Variants in NKAIN3 observed in about 807,000 individuals in gnomAD.
The protein encoded by NKAIN3 is sodium/potassium transporting ATPase interacting 3.
In NKAIN3, 25 loss-of-function variants were observed where a neutral mutation model predicts 30.2. The ratio of observed to expected loss-of-function variants is 0.83; its 90% CI spans 0.60 to 1.16. The LOEUF is 1.16. NKAIN3 is among the 50% of genes most tolerant of loss of function. The pLI is 0.00. For synonymous variants in NKAIN3, 91 were observed against 89.6 expected (o/e 1.02, Z -0.09); for missense variants, 225 against 254.1 (o/e 0.89, Z 0.78).
intron 1 of NKAIN3, among the ~76,000 whole-genome samples, chr8:62,549,588 T>C (rs1809126256): frequency 6.6e-6 from 1 of 152,084 alleles, no homozygotes; most frequent in South Asian, 2.1e-4. Context: ...ACAGGAGTCC[T>C]TGTAGGAATA....
intron 1 of NKAIN3, among the ~76,000 whole-genome samples, chr8:62,333,342 A>G (rs1815418896): frequency 6.6e-6 from 1 of 152,128 alleles, no homozygotes; most frequent in Admixed American, 6.6e-5. Context: ...AGCTCAGATG[A>G]ACCTGGTACT....
intron 3 of NKAIN3, among the ~76,000 whole-genome samples, chr8:62,611,302 T>G (rs1442006325): frequency 6.6e-6 from 1 of 152,158 alleles, no homozygotes; most frequent in Non-Finnish European, 1.5e-5. Flanking sequence ...GCATTTATGC[T>G]TTGAGTTAAA....
At chr8:62,693,013 A>G (rs1372918451) in intron 3 of NKAIN3, among the ~76,000 whole-genome samples, 2 of 152,178 alleles carry the variant, frequency 1.3e-5, no homozygotes, top group African/African-American at 2.4e-5. Context: ...TCAAATACAC[A>G]AGTCAGGAAG....
chr8:62,819,041 A>C (rs563009753), intron 4 of NKAIN3, among the ~76,000 whole-genome samples: 1 of 151,558 alleles, frequency 6.6e-6, no homozygotes, highest in Non-Finnish European at 1.5e-5. Context: ...AATTGGATGG[A>C]TAGTAAGAAA....
intron 3 of NKAIN3, among the ~76,000 whole-genome samples, chr8:62,661,222 T>C (rs1054417456): frequency 3.3e-5 from 5 of 152,158 alleles, no homozygotes; most frequent in Admixed American, 2.0e-4. Flanking sequence ...TGCTGTTTTC[T>C]CTCTTTCCAC....
intron 3 of NKAIN3, among the ~76,000 whole-genome samples, chr8:62,627,695 T>G (rs933295669): frequency 3.3e-5 from 5 of 152,100 alleles, no homozygotes; most frequent in South Asian, 2.1e-4. Flanking sequence ...CCTTTTCTCT[T>G]GAAAAACTCA....
At chr8:62,407,633 G>A (rs924360671) in intron 1 of NKAIN3, among the ~76,000 whole-genome samples, 3 of 152,082 alleles carry the variant, frequency 2.0e-5, no homozygotes, top group Non-Finnish European at 2.9e-5. Flanking sequence ...GGGTTTCACC[G>A]TGTGAGCCAG....
At chr8:62,992,194 T>C (rs1824336128) in intron 5 of NKAIN3, among the ~76,000 whole-genome samples, 2 of 151,904 alleles carry the variant, frequency 1.3e-5, no homozygotes, top group South Asian at 4.2e-4. Context: ...TTGTATTTAG[T>C]AGAGACGGGG....
At chr8:62,381,440 GCTT>G (rs1817272674) in intron 1 of NKAIN3, among the ~76,000 whole-genome samples, 1 of 152,030 alleles carries the variant, frequency 6.6e-6, no homozygotes, top group Admixed American at 6.6e-5. Flanking sequence ...CGAAAGTCAA[GCTT>G]CTTATCCTTT....
intron 1 of NKAIN3, among the ~76,000 whole-genome samples, chr8:62,572,077 C>A (rs1207431718): frequency 9.9e-5 from 15 of 152,128 alleles, no homozygotes; most frequent in Non-Finnish European, 2.9e-5. Flanking sequence ...TTTTCTATTG[C>A]CTCGTCAGGC....
At chr8:62,453,939 A>T (rs1805729102) in intron 1 of NKAIN3, among the ~76,000 whole-genome samples, 1 of 152,184 alleles carries the variant, frequency 6.6e-6, no homozygotes, top group Admixed American at 6.5e-5. Context: ...GCTGAATTCC[A>T]CCTTCCTTGT....
chr8:62,916,747 C>T (rs549325039), intron 4 of NKAIN3, among the ~76,000 whole-genome samples: 34 of 152,154 alleles, frequency 2.2e-4, no homozygotes, highest in Non-Finnish European at 4.7e-4. Context: ...CTTCTCACCC[C>T]ACTTCTCTCA....
chr8:62,354,688 C>T (rs965520443), intron 1 of NKAIN3, among the ~76,000 whole-genome samples: 2 of 152,168 alleles, frequency 1.3e-5, no homozygotes, highest in East Asian at 3.9e-4. Flanking sequence ...GGTGATCAAC[C>T]TGCCTCGGCC....
Position 62,976,366 on chromosome 8 carries a change from T to C in NKAIN3, c.*10959T>C, listed in dbSNP as rs1352059569. 6.6e-6 allele frequency among the ~76,000 whole-genome samples: 1 copy of C among 152,190 alleles called. No homozygotes were observed. The highest frequency in any genetic ancestry group is 2.4e-5 in the African/African-American group (1 of 41,466). On this transcript the variant is annotated 3_prime_UTR_variant, in exon 7 of 7. Coordinates refer to ENST00000623646, the MANE Select transcript of NKAIN3 (RefSeq NM_001304533.3). The stretch of plus-strand genomic sequence containing the variant: ...GAACTTGCTTTATGAATCTGGGTGC[T>C]CCACTATTAGGTGCATACATATTTA...
intron 3 of NKAIN3, among the ~76,000 whole-genome samples, chr8:62,591,496 AT>A (rs1338787468): frequency 1.3e-5 from 2 of 151,920 alleles, no homozygotes; most frequent in Non-Finnish European, 2.9e-5. Context: ...ATCAGCAGTC[AT>A]TTTTTTCATA....
intron 3 of NKAIN3, among the ~76,000 whole-genome samples, chr8:62,655,131 T>C (rs1178784115): frequency 6.6e-6 from 1 of 152,152 alleles, no homozygotes; most frequent in Non-Finnish European, 1.5e-5. Context: ...ATGATGACCA[T>C]CCAGCTGTTT....
rs558649549 is a variant in NKAIN3, at chr8:62,312,101, G to A, written c.54+62974G>A. Among the ~76,000 whole-genome samples the A allele has an allele frequency of 4.9e-3, 742 of 150,592 alleles. 10 individuals carry two copies. Among genetic ancestry groups the A allele is most frequent in the Non-Finnish European group, 5.5e-3 (376 of 68,000 alleles). On this transcript the variant is annotated intron_variant, in intron 1 of 6. Coordinates refer to ENST00000623646, the MANE Select transcript of NKAIN3 (RefSeq NM_001304533.3). The stretch of plus-strand genomic sequence containing the variant: ...AAATAAAGGAGAATGTTCTATGGGG[G>A]AAGTAAAATGTCAACATGACTTCAA...
intron 1 of NKAIN3, among the ~76,000 whole-genome samples, chr8:62,402,578 A>G (rs748586072): frequency 6.6e-6 from 1 of 152,172 alleles, no homozygotes; most frequent in Non-Finnish European, 1.5e-5. Flanking sequence ...GGGTTTTATA[A>G]GAGGCTTTTC....
chr8:62,994,216 C>T (rs1345855818), intron 5 of NKAIN3, among the ~76,000 whole-genome samples: 1 of 152,150 alleles, frequency 6.6e-6, no homozygotes, highest in Non-Finnish European at 1.5e-5. Flanking sequence ...AACCCAAATG[C>T]CTACCAGGGG....
Sources: gnomAD v4.1 joint callset for allele counts (sites outside exome capture counted in the v4.1 genomes callset) on GRCh38, gnomAD v4.1.1 for gene constraint, MANE v1.5 for transcripts, NCBI Gene and HGNC (gene_info 2026-07-23, HGNC 2026-07-21) for gene names.